CTNNA3: variants seen among roughly 807,000 people sequenced by gnomAD.
CTNNA3 encodes the protein catenin alpha 3.
Under a neutral mutation model 95.7 loss-of-function variants are expected in CTNNA3, and 76 were observed. The observed-to-expected ratio is 0.79, with a 90% CI of 0.66 to 0.96. The LOEUF is 0.96. Ranked by LOEUF, CTNNA3 falls within the 40% of genes least tolerant of loss-of-function variation. The pLI is 0.00. For missense variants in CTNNA3, 1,191 were observed against 1,089.8 expected (o/e 1.09, Z -1.31); for synonymous variants, 431 against 374.4 (o/e 1.15, Z -1.74).
rs941803733 is a variant in CTNNA3, at chr10:66,800,976, T to C, written c.1048-25452A>G. On this transcript the variant is annotated intron_variant, in intron 7 of 17. Transcript: ENST00000433211. ...CCTAAACAAAATATAATTTTTCACA[T>C]ACAAAAAAAAATTCCAGACTTAACT... Among the ~76,000 whole-genome samples the C allele has an allele frequency of 1.9e-4, 28 of 151,258 alleles. 1 individual carries two copies. Among genetic ancestry groups the C allele is most frequent in the Admixed American group, 1.8e-3 (27 of 15,132 alleles).
At chr10:67,742,760 C>T (rs1841349758) in intron 1 of CTNNA3, among the ~76,000 whole-genome samples, 1 of 150,804 alleles carries the variant, frequency 6.6e-6, no homozygotes, top group African/African-American at 2.4e-5. Context: ...GCTAGCAAGA[C>T]TAATAAGGAA....
intron 15 of CTNNA3, among the ~76,000 whole-genome samples, chr10:66,016,404 T>TTATGGTC (rs2079097451): frequency 1.3e-5 from 2 of 152,196 alleles, no homozygotes; most frequent in African/African-American, 4.8e-5. Context: ...CCTGGAACAC[T>TTATGGTC]TATGGTCTAT....
chr10:66,870,668 T>G (rs959950647), intron 7 of CTNNA3, among the ~76,000 whole-genome samples: 1 of 152,184 alleles, frequency 6.6e-6, no homozygotes, highest in African/African-American at 2.4e-5. Flanking sequence ...TCACCATCTC[T>G]CCTCTGTTCA....
chr10:67,081,285 T>C (rs1216025391), intron 7 of CTNNA3, among the ~76,000 whole-genome samples: 2 of 152,160 alleles, frequency 1.3e-5, no homozygotes, highest in African/African-American at 2.4e-5. Flanking sequence ...TGAACAGTGA[T>C]ATGAGAGTGA....
chr10:66,517,630 T>C (rs1564506204), intron 11 of CTNNA3, among the ~76,000 whole-genome samples: 1 of 152,106 alleles, frequency 6.6e-6, no homozygotes, highest in South Asian at 2.1e-4. Context: ...GAAATAACCA[T>C]AAAAATGGGC....
In CTNNA3 at chr10:66,839,570, A is replaced by C. The variant is rs190794726; in HGVS notation, c.1048-64046T>G. 3.3e-4 allele frequency among the ~76,000 whole-genome samples: 51 copies of C among 152,264 alleles called. No individual in the cohort carries two copies. The East Asian group carries it at 9.8e-3, about 29-fold the overall frequency. ...TGTTCTATCTAGTCTGGAATCCAAA[A>C]TAGTACTTAATGTCCCCAGAAAATT... On this transcript the variant is annotated intron_variant, in intron 7 of 17. Transcript: ENST00000433211.
At chr10:65,958,288 A>T (rs1385902749) in intron 17 of CTNNA3, among the ~76,000 whole-genome samples, 7 of 151,558 alleles carry the variant, frequency 4.6e-5, no homozygotes, top group Non-Finnish European at 1.0e-4. Context: ...CATTCGTCAA[A>T]TTTTTTTTCA....
chr10:65,928,828 T>C (rs1303974651), intron 17 of CTNNA3, among the ~76,000 whole-genome samples: 2 of 152,216 alleles, frequency 1.3e-5, no homozygotes, highest in South Asian at 2.1e-4. Flanking sequence ...GAAGTCATGC[T>C]TGTCAGAAAG....
intron 15 of CTNNA3, among the ~76,000 whole-genome samples, chr10:66,003,117 T>A (rs2078803172): frequency 1.3e-5 from 2 of 152,346 alleles, no homozygotes; most frequent in South Asian, 4.1e-4. Context: ...TATTTCCTAT[T>A]TTGAAATTGT....
intron 7 of CTNNA3, among the ~76,000 whole-genome samples, chr10:67,005,703 T>TTTTTTTTTTTTTTTTTTTTG (rs1417141930): frequency 7.3e-6 from 1 of 136,146 alleles, no homozygotes. Flanking sequence ...TTTTTTTTTT[T>TTTTTTTTTTTTTTTTTTTTG]GAGACGGAGT....
chr10:67,672,628 A>G (rs1245031189), intron 1 of CTNNA3, among the ~76,000 whole-genome samples: 1 of 152,106 alleles, frequency 6.6e-6, no homozygotes. Context: ...TCCTTTCCCC[A>G]TTGCTTGTTT....
intron 15 of CTNNA3, among the ~76,000 whole-genome samples, chr10:66,033,192 G>C (rs530373076): frequency 4.1e-5 from 6 of 147,964 alleles, no homozygotes; most frequent in African/African-American, 1.5e-4. Flanking sequence ...GTGCAGTGGC[G>C]CTATCTCGGC....
chr10:66,175,447 T>C (rs1179560792), intron 13 of CTNNA3, among the ~76,000 whole-genome samples: 1 of 152,118 alleles, frequency 6.6e-6, no homozygotes, highest in Non-Finnish European at 1.5e-5. Flanking sequence ...TGTAGGGATA[T>C]GCATTTAAAA....
chr10:67,743,587 G>C (rs916489585), intron 1 of CTNNA3, among the ~76,000 whole-genome samples: 1 of 151,260 alleles, frequency 6.6e-6, no homozygotes, highest in African/African-American at 2.4e-5. Context: ...TTTGAAAATG[G>C]GCACAAGACA....
At chr10:66,610,855 T>C (rs933610164) in intron 10 of CTNNA3, among the ~76,000 whole-genome samples, 1 of 152,082 alleles carries the variant, frequency 6.6e-6, no homozygotes, top group Non-Finnish European at 1.5e-5. Context: ...CTGTTCACAA[T>C]AGCCAAAATC....
intron 5 of CTNNA3, among the ~76,000 whole-genome samples, chr10:67,441,767 A>C (rs929407116): frequency 6.6e-6 from 1 of 152,234 alleles, no homozygotes; most frequent in East Asian, 1.9e-4. Context: ...AAAGCTGAGG[A>C]ATTTCATCAA....
intron 3 of CTNNA3, among the ~76,000 whole-genome samples, chr10:67,573,307 C>T (rs10740278): frequency 0.4 from 60,207 of 151,944 alleles, 15,184 homozygotes; most frequent in African/African-American, 0.68. Context: ...ATAAAATTTG[C>T]TTCCTCTTTC....
chr10:67,615,138 T>G (rs1843605481), intron 2 of CTNNA3, among the ~76,000 whole-genome samples: 1 of 152,214 alleles, frequency 6.6e-6, no homozygotes. Context: ...TTACCACAAG[T>G]GATACAAAAA....
At chr10:66,169,529 G>A (rs2085309935) in intron 13 of CTNNA3, among the ~76,000 whole-genome samples, 1 of 152,102 alleles carries the variant, frequency 6.6e-6, no homozygotes, top group Non-Finnish European at 1.5e-5. Context: ...TTTCCTCTGG[G>A]TAGATACCTA....
Sources: gnomAD v4.1 joint callset for allele counts (sites outside exome capture counted in the v4.1 genomes callset) on GRCh38, gnomAD v4.1.1 for gene constraint, MANE v1.5 for transcripts, NCBI Gene and HGNC (gene_info 2026-07-23, HGNC 2026-07-21) for gene names.